SPAG6: variants seen among roughly 807,000 people sequenced by gnomAD.
The protein encoded by SPAG6 is sperm-associated antigen 6.
A neutral mutation model predicts 58.5 loss-of-function variants in SPAG6; 49 were observed. That is an observed-to-expected ratio of 0.84 (90% CI 0.67 to 1.06). The LOEUF (loss-of-function observed/expected upper bound fraction) is 1.06, where lower values mean the gene tolerates loss of function less well. Ranked by LOEUF, SPAG6 falls within the 50% of genes least tolerant of loss-of-function variation. The probability of loss-of-function intolerance (pLI) is 0.00; values close to 1 mark genes in which losing one functional copy is unlikely to be tolerated. For synonymous variants in SPAG6, 233 were observed against 225.6 expected (o/e 1.03, Z -0.29); for missense variants, 560 against 611.3 (o/e 0.92, Z 0.89).
At chr10:22,350,677 C>T (rs1305942614) in intron 2 of SPAG6, among the ~76,000 whole-genome samples, 2 of 152,140 alleles carry the variant, frequency 1.3e-5, no homozygotes, top group Non-Finnish European at 2.9e-5. Flanking sequence ...CTTTATGGCT[C>T]TGTTTTGGTG....
At chr10:22,374,577 G>A (rs1564368142) in intron 4 of SPAG6, among the ~76,000 whole-genome samples, 1 of 144,726 alleles carries the variant, frequency 6.9e-6, no homozygotes, top group Non-Finnish European at 1.5e-5. Flanking sequence ...AGACTAGTCT[G>A]TGAAACATAG....
chr10:22,386,748 C>T lies in SPAG6; in HGVS notation c.473-6C>T. ...ACTCACTTAATTACTTTTCTTGGAC[C>T]CACAGAACTGTCACAAGCTGTGGTG... On this transcript the variant is annotated splice_polypyrimidine_tract_variant and splice_region_variant and intron_variant, in intron 4 of 10. Coordinates refer to ENST00000376624, the MANE Select transcript of SPAG6 (RefSeq NM_012443.4). 6.2e-7 allele frequency: 1 copy of T among 1,612,266 alleles called. No homozygotes were observed. Among genetic ancestry groups the T allele is most frequent in the South Asian group, 1.1e-5 (1 of 91,054 alleles).
rs1837021194 is a variant in SPAG6, at chr10:22,360,998, T to C, written c.122-3855T>C. ...TAGTTAGAATAACAAAGTCTCCATG[T>C]TTAATATGTGTAAGAGGTAAAAACA... is the stretch of plus-strand genomic sequence containing the variant. On this transcript the variant is annotated intron_variant, in intron 2 of 10. Transcript: ENST00000376624. 4 of 636,080 alleles carry C rather than the reference T, an allele frequency of 6.3e-6. No homozygotes were observed. The East Asian group carries it at 1.1e-4, about 17-fold the overall frequency. 39.4% of individuals were successfully genotyped at this position (636,080 alleles called of 1,614,324 possible).
chr10:22,411,253 T>C (rs1834726882), intron 10 of SPAG6, 77 bp downstream of exon 10: 2 of 1,216,982 alleles, frequency 1.6e-6, no homozygotes, highest in Admixed American at 2.4e-5. Flanking sequence ...TTATATCCAC[T>C]GTGTCAAAAT....
intron 2 of SPAG6, among the ~76,000 whole-genome samples, chr10:22,350,706 C>A (rs1214415813): frequency 6.6e-6 from 1 of 152,136 alleles, no homozygotes; most frequent in Non-Finnish European, 1.5e-5. Flanking sequence ...TCAAGGAAAT[C>A]TTGCCTGAGC....
At chr10:22,368,765 C>CTGG in intron 4 of SPAG6, 87 bp downstream of exon 4, 1 of 1,020,034 alleles carries the variant, frequency 9.8e-7, no homozygotes, top group Non-Finnish European at 1.4e-6. Context: ...CTTAGTAAAA[C>CTGG]ATAGGTGGGG....
intron 10 of SPAG6, among the ~76,000 whole-genome samples, chr10:22,412,131 G>C (rs1403682434): frequency 7.2e-5 from 11 of 152,088 alleles, no homozygotes; most frequent in Admixed American, 6.5e-4. Flanking sequence ...TTACAGGCGT[G>C]AGCCACCGCG....
rs372607454 is a variant in SPAG6, at chr10:22,401,295, C to G, written c.1314+18C>G. The G allele has an allele frequency of 3.5e-6, 4 of 1,151,294 alleles. No homozygotes were observed. Among genetic ancestry groups the G allele is most frequent in the African/African-American group, 3.1e-5 (2 of 64,626 alleles). 71.3% of individuals were successfully genotyped at this position (1,151,294 alleles called of 1,614,324 possible). A position where few individuals can be genotyped will look rare whatever the true frequency, so the allele number is the denominator to read the frequency against. ...TCAGTAAGGTAAGAAATGCCAGCCT[C>G]TAAGGGGAGGAAGAAAATTAAAATG... On this transcript the variant is annotated intron_variant, in intron 9 of 10. Coordinates refer to ENST00000376624, the MANE Select transcript of SPAG6 (RefSeq NM_012443.4).
At chr10:22,346,516 T>TTCTTCC (rs1836560489) in intron 2 of SPAG6, among the ~76,000 whole-genome samples, 8 of 148,436 alleles carry the variant, frequency 5.4e-5, no homozygotes, top group Non-Finnish European at 7.5e-5. Context: ...CTTCTTCCTC[T>TTCTTCC]TCTTCTTCTT....
intron 4 of SPAG6, among the ~76,000 whole-genome samples, chr10:22,381,580 A>G (rs945901440): frequency 6.8e-6 from 1 of 147,158 alleles, no homozygotes; most frequent in African/African-American, 2.5e-5. Flanking sequence ...CCCTGTGGGC[A>G]TTTGCATTGA....
chr10:22,373,193 C>T (rs1221949689), intron 4 of SPAG6, among the ~76,000 whole-genome samples: 1 of 152,132 alleles, frequency 6.6e-6, no homozygotes, highest in Non-Finnish European at 1.5e-5. Context: ...AGATGAGCAG[C>T]GCTTGCAGGG....
intron 10 of SPAG6, chr10:22,412,657 C>T (rs1244756805): frequency 2.4e-5 from 12 of 502,332 alleles, no homozygotes; most frequent in South Asian, 2.1e-4. Flanking sequence ...CTGCCATCTC[C>T]GCCTCCCGGG....
chr10:22,401,016 G>A lies in SPAG6; in HGVS notation c.1198-145G>A. On this transcript the variant is annotated intron_variant, in intron 8 of 10. Coordinates refer to ENST00000376624, the MANE Select transcript of SPAG6 (RefSeq NM_012443.4). ...ATCAATCCAAGCAGGAGTTTTTTTT[G>A]GACAACAATTTTAAAAAATGAAACA... 2 of 573,140 alleles carry A rather than the reference G, an allele frequency of 3.5e-6. 1 individual carries two copies. Among genetic ancestry groups the A allele is most frequent in the South Asian group, 4.8e-5 (2 of 41,974 alleles). 35.5% of individuals were successfully genotyped at this position (573,140 alleles called of 1,614,324 possible).
chr10:22,362,922 A>G (rs766674013), intron 2 of SPAG6, among the ~76,000 whole-genome samples: 1 of 152,066 alleles, frequency 6.6e-6, no homozygotes, highest in Non-Finnish European at 1.5e-5. Flanking sequence ...ATGCAAATCA[A>G]AATCACAATG....
intron 3 of SPAG6, among the ~76,000 whole-genome samples, chr10:22,367,062 G>T (rs1286787457): frequency 1.3e-5 from 2 of 151,786 alleles, no homozygotes; most frequent in Admixed American, 6.6e-5. Flanking sequence ...AGAGTGTTAG[G>T]AATTTGGGGG....
intron 8 of SPAG6, among the ~76,000 whole-genome samples, chr10:22,396,630 T>A (rs1181638201): frequency 6.6e-6 from 1 of 151,814 alleles, no homozygotes. Flanking sequence ...TGAAAAACAA[T>A]TGAAATTGTA....
At chr10:22,400,366 G>A (rs1437313356) in intron 8 of SPAG6, among the ~76,000 whole-genome samples, 2 of 152,110 alleles carry the variant, frequency 1.3e-5, no homozygotes, top group African/African-American at 4.8e-5. Context: ...GAAGGGGACA[G>A]CCTTTAAGAA....
At chr10:22,377,027 CA>C (rs1464098161) in intron 4 of SPAG6, among the ~76,000 whole-genome samples, 3 of 151,602 alleles carry the variant, frequency 2.0e-5, no homozygotes, top group African/African-American at 7.3e-5. Flanking sequence ...GGCGCCACTG[CA>C]CTCTGGCCTG....
intron 4 of SPAG6, among the ~76,000 whole-genome samples, chr10:22,372,635 T>TGA (rs1833725609): frequency 6.6e-6 from 1 of 152,110 alleles, no homozygotes; most frequent in Non-Finnish European, 1.5e-5. Context: ...GTGGCCGCAA[T>TGA]GAGAGCACTT....
Sources: allele counts gnomAD v4.1 joint callset (sites outside exome capture counted in the v4.1 genomes callset), GRCh38; gene constraint gnomAD v4.1.1; transcripts MANE v1.5; gene names NCBI Gene and HGNC (gene_info 2026-07-23, HGNC 2026-07-21).